LDLRAD3: variants seen among roughly 807,000 people sequenced by gnomAD.
The protein encoded by LDLRAD3 is low density lipoprotein receptor class A domain containing 3.
Under a neutral mutation model 29.4 loss-of-function variants are expected in LDLRAD3, and 20 were observed. The ratio of observed to expected loss-of-function variants is 0.68; its 90% confidence interval spans 0.48 to 0.99. The LOEUF (loss-of-function observed/expected upper bound fraction) is 0.99. Ranked by LOEUF, LDLRAD3 falls within the 50% of genes least tolerant of loss-of-function variation. The pLI is 0.00. For missense variants in LDLRAD3, 420 were observed against 454.3 expected, an observed-to-expected ratio of 0.92 and a Z score of 0.69; for synonymous variants, 157 against 192.7, an observed-to-expected ratio of 0.81 and a Z score of 1.53.
chr11:36,189,323 T>TA (rs1406439593), intron 4 of LDLRAD3, among the ~76,000 whole-genome samples: 1 of 152,040 alleles, frequency 6.6e-6, no homozygotes, highest in Non-Finnish European at 1.5e-5. Context: ...CCGTCTCTAC[T>TA]AAAAATACAA....
intron 1 of LDLRAD3, among the ~76,000 whole-genome samples, chr11:35,952,505 T>A (rs924247814): frequency 1.3e-5 from 2 of 152,230 alleles, no homozygotes; most frequent in African/African-American, 4.8e-5. Context: ...TCAGTATAGG[T>A]GTTGAAATTG....
intron 4 of LDLRAD3, among the ~76,000 whole-genome samples, chr11:36,160,390 G>A (rs1380678658): frequency 1.3e-5 from 2 of 152,236 alleles, no homozygotes; most frequent in Middle Eastern, 6.8e-3. Context: ...GCAGCTTAGC[G>A]ACCCCTGTTG....
At chr11:36,003,028 A>G (rs1052755795) in intron 1 of LDLRAD3, among the ~76,000 whole-genome samples, 2 of 152,230 alleles carry the variant, frequency 1.3e-5, no homozygotes, top group South Asian at 2.1e-4. Flanking sequence ...AATTAAGACA[A>G]AGAATGTGCA....
chr11:35,976,006 A>C (rs1376284320), intron 1 of LDLRAD3, among the ~76,000 whole-genome samples: 1 of 152,018 alleles, frequency 6.6e-6, no homozygotes, highest in Non-Finnish European at 1.5e-5. Flanking sequence ...AATCAGTTGA[A>C]GAGAGGGACC....
chr11:35,956,277 A>G (rs575028274), intron 1 of LDLRAD3, among the ~76,000 whole-genome samples: 2 of 152,208 alleles, frequency 1.3e-5, no homozygotes, highest in South Asian at 2.1e-4. Context: ...GCTTGAGGCC[A>G]GGAGTGGAGA....
At position 35,969,009 on chromosome 11, in the gene LDLRAD3, C is replaced by A. The variant is rs1017837620; in HGVS notation, c.46+24865C>A. Among the ~76,000 whole-genome samples the A allele has an allele frequency of 5.8e-4, 88 of 152,298 alleles. 1 individual carries two copies. The highest frequency in any genetic ancestry group is 4.1e-4 in the Non-Finnish European group (28 of 68,030). ...AGTGCATATGGTGTGCGTACCAAGT[C>A]CCCGGCTCAGAGTCACGATTTTATA... On this transcript the variant is annotated intron_variant, in intron 1 of 5. Coordinates refer to ENST00000315571, the MANE Select transcript of LDLRAD3 (RefSeq NM_174902.4).
At chr11:36,198,093 C>G (rs1192312393) in intron 4 of LDLRAD3, among the ~76,000 whole-genome samples, 1 of 152,022 alleles carries the variant, frequency 6.6e-6, no homozygotes, top group Non-Finnish European at 1.5e-5. Context: ...AAATGTATAA[C>G]TCTAGCATGT....
At chr11:36,114,136 G>T (rs1033948151) in intron 4 of LDLRAD3, among the ~76,000 whole-genome samples, 1 of 152,194 alleles carries the variant, frequency 6.6e-6, no homozygotes, top group Non-Finnish European at 1.5e-5. Context: ...TTATGCAGTA[G>T]CATGGGCTGT....
At chr11:36,192,670 T>C (rs1194888112) in intron 4 of LDLRAD3, among the ~76,000 whole-genome samples, 1 of 152,174 alleles carries the variant, frequency 6.6e-6, no homozygotes, top group Non-Finnish European at 1.5e-5. Flanking sequence ...CTAGGCAACC[T>C]GGATTAGGTC....
chr11:35,997,083 A>ATTTG (rs1208778817), intron 1 of LDLRAD3: 1 of 260,662 alleles, frequency 3.8e-6, no homozygotes, highest in African/African-American at 2.3e-5. Context: ...CACTTGGCAT[A>ATTTG]CAAAATGGGC....
At chr11:36,110,170 T>C (rs1006336295) in intron 4 of LDLRAD3, 2 of 152,214 alleles carry the variant, frequency 1.3e-5, no homozygotes, top group African/African-American at 2.4e-5. Flanking sequence ...AGCAGGAGTT[T>C]GAAGATTTCT....
chr11:36,052,488 G>T (rs1484757471), intron 2 of LDLRAD3, among the ~76,000 whole-genome samples: 8 of 152,186 alleles, frequency 5.3e-5, no homozygotes, highest in African/African-American at 1.9e-4. Context: ...GGTATCTCTG[G>T]AAGGTGGGAT....
intron 4 of LDLRAD3, among the ~76,000 whole-genome samples, chr11:36,120,751 G>A (rs1296524179): frequency 6.6e-6 from 1 of 152,106 alleles, no homozygotes; most frequent in Non-Finnish European, 1.5e-5. Flanking sequence ...TGTGTCTCCC[G>A]CAAATTCTAT....
intron 4 of LDLRAD3, among the ~76,000 whole-genome samples, chr11:36,145,230 G>GCCGC (rs1854167118): frequency 1.3e-5 from 1 of 76,698 alleles, no homozygotes; most frequent in Non-Finnish European, 2.4e-5. Flanking sequence ...CCACCCGCCA[G>GCCGC]CCGCCCCGTC....
intron 1 of LDLRAD3, among the ~76,000 whole-genome samples, chr11:35,976,715 G>T (rs561083187): frequency 2.0e-5 from 3 of 152,176 alleles, no homozygotes; most frequent in African/African-American, 7.2e-5. Context: ...GCTTAGTCTG[G>T]TGGGGGTGGG....
intron 5 of LDLRAD3, 100 bp downstream of exon 5, chr11:36,227,530 G>C (rs1855518087): frequency 9.0e-6 from 8 of 892,038 alleles, no homozygotes; most frequent in Non-Finnish European, 1.3e-5. Context: ...CCAAGAGCCT[G>C]GCTTCAGCTG....
chr11:36,223,968 A>G (rs1235232872), intron 4 of LDLRAD3, among the ~76,000 whole-genome samples: 1 of 151,608 alleles, frequency 6.6e-6, no homozygotes, highest in African/African-American at 2.4e-5. Flanking sequence ...GCACTATAAC[A>G]TGTGTGAACG....
intron 1 of LDLRAD3, among the ~76,000 whole-genome samples, chr11:35,969,194 A>T (rs551040419): frequency 6.6e-6 from 1 of 152,294 alleles, no homozygotes; most frequent in South Asian, 2.1e-4. Flanking sequence ...TTCTCACTTC[A>T]TGTCCATGGA....
chr11:35,972,420 T>G (rs538757746), intron 1 of LDLRAD3: 2 of 152,136 alleles, frequency 1.3e-5, no homozygotes, highest in African/African-American at 2.4e-5. Flanking sequence ...ACTTTTTTTT[T>G]TTTAATCGTT....
Sources: allele counts gnomAD v4.1 joint callset (sites outside exome capture counted in the v4.1 genomes callset), GRCh38; gene constraint gnomAD v4.1.1; transcripts MANE v1.5; gene names NCBI Gene and HGNC (gene_info 2026-07-23, HGNC 2026-07-21).